The following SEMA7A variants were observed in gnomAD, a reference collection of about 807,000 sequenced individuals.
The protein encoded by SEMA7A is semaphorin 7A (JohnMiltonHagen blood group), also known as semaphorin-7A.
A neutral mutation model predicts 67.5 loss-of-function variants in SEMA7A; 21 were observed. That is an observed-to-expected ratio of 0.31 (90% confidence interval 0.22 to 0.45). The LOEUF (loss-of-function observed/expected upper bound fraction) is 0.45, where lower values mean the gene tolerates loss of function less well. SEMA7A is among the 20% of genes least tolerant of loss of function. The pLI is 1.00. For missense variants in SEMA7A, 774 were observed against 908.6 expected (o/e 0.85, Z 1.90); for synonymous variants, 364 against 368.5 (o/e 0.99, Z 0.14).
At chr15:74,428,688 C>T (rs187278776) in intron 1 of SEMA7A, among the ~76,000 whole-genome samples, 57 of 152,276 alleles carry the variant, frequency 3.7e-4, no homozygotes, top group Admixed American at 3.7e-3. Context: ...GGCCAGGCCA[C>T]CATGCAGGGC....
At chr15:74,433,482 T>A (rs1437655) in intron 1 of SEMA7A, 1 of 1,050,498 alleles carries the variant, frequency 9.5e-7, no homozygotes, top group Non-Finnish European at 1.2e-6. Flanking sequence ...GGCTCCTGGC[T>A]GCCAGGGACT....
chr15:74,416,391 C>A (rs1463365880), intron 7 of SEMA7A, among the ~76,000 whole-genome samples, 184 bp downstream of exon 7: 3 of 152,094 alleles, frequency 2.0e-5, no homozygotes, highest in Non-Finnish European at 4.4e-5. Context: ...AGGAGCTCAG[C>A]CACCTTTACC....
Position 74,417,834 on chromosome 15 carries a change from TAGA to T in SEMA7A, c.465+40_465+42del. On this transcript the variant is annotated intron_variant, in intron 4 of 13. Coordinates refer to ENST00000261918, the MANE Select transcript of SEMA7A (RefSeq NM_003612.5). ...CCATGAGGGGCAGAAGCCCACGCAG[TAGA>T]AGGTGAGCTGATCAGGCACATGGGG... 1.1e-5 allele frequency: 18 copies of T among 1,602,254 alleles called. No homozygotes were observed. In the Middle Eastern group the frequency reaches 2.8e-3, roughly 251 times the overall value.
At chr15:74,417,479 C>T (rs1227115655) in intron 5 of SEMA7A, 34 bp from the exon 6 acceptor site, 1 of 1,597,214 alleles carries the variant, frequency 6.3e-7, no homozygotes. Flanking sequence ...TGAGTAAGGG[C>T]AGGCAGCTCC....
chr15:74,430,727 TCA>T (rs2061081525), intron 1 of SEMA7A, among the ~76,000 whole-genome samples: 2 of 152,160 alleles, frequency 1.3e-5, no homozygotes, highest in African/African-American at 4.8e-5. Context: ...TGGAGGGAGT[TCA>T]CCTTGAAGGT....
Position 74,417,388 on chromosome 15 carries a change from A to G in SEMA7A, c.608T>C (p.Phe203Ser). ...CTCACTCTCGCCCCGGATGCGGCGG[A>G]ACCGAGGGATCTTCCCATTGTATTC... Reference protein sequence around the residue: ...KQEYNGKIPRFRRIRGESELY... With the variant: ...KQEYNGKIPRSRRIRGESELY... Residue 203 changes from phenylalanine to serine, a missense_variant, in exon 6 of 14, where the codon TTC becomes TCC. Coordinates refer to ENST00000261918, the MANE Select transcript of SEMA7A (RefSeq NM_003612.5). 1 of 1,614,008 alleles carries G rather than the reference A, an allele frequency of 6.2e-7. No individual in the cohort carries two copies. Among genetic ancestry groups the G allele is most frequent in the Non-Finnish European group, 8.5e-7 (1 of 1,180,012 alleles).
intron 10 of SEMA7A, 54 bp from the exon 11 acceptor site, chr15:74,412,066 C>A: frequency 6.2e-7 from 1 of 1,606,740 alleles, no homozygotes; most frequent in Non-Finnish European, 8.5e-7. Flanking sequence ...AGGGGCCAGG[C>A]AGCTTTCCTC....
At chr15:74,426,862 G>A (rs1437389983) in intron 1 of SEMA7A, among the ~76,000 whole-genome samples, 1 of 152,124 alleles carries the variant, frequency 6.6e-6, no homozygotes, top group African/African-American at 2.4e-5. Flanking sequence ...GCCAGCCCTG[G>A]CGAAAACACT....
intron 4 of SEMA7A, 96 bp from the exon 5 acceptor site, chr15:74,417,771 G>A: frequency 6.5e-7 from 1 of 1,546,462 alleles, no homozygotes; most frequent in Non-Finnish European, 8.9e-7. Context: ...ATCCTCCCAG[G>A]GCAAGGCCAG....
At chr15:74,424,679 C>T (rs970077117) in intron 1 of SEMA7A, among the ~76,000 whole-genome samples, 1 of 152,152 alleles carries the variant, frequency 6.6e-6, no homozygotes. Flanking sequence ...AAGCAAGCCC[C>T]TTGGTGAGAG....
At chr15:74,430,473 G>C (rs2061079117) in intron 1 of SEMA7A, among the ~76,000 whole-genome samples, 1 of 152,186 alleles carries the variant, frequency 6.6e-6, no homozygotes, top group African/African-American at 2.4e-5. Context: ...CCCAGTCACA[G>C]AGCAAATTAG....
rs143841629 is a variant in SEMA7A, at chr15:74,410,761, G to A, written c.1864C>T (p.Arg622Cys). 875 of 1,614,146 alleles carry A rather than the reference G, an allele frequency of 5.4e-4. 1 individual carries two copies. Among genetic ancestry groups the A allele is most frequent in the Non-Finnish European group, 5.2e-4 (610 of 1,180,040 alleles). Residue 622 changes from arginine to cysteine, a missense_variant, in exon 14 of 14, where the codon CGC becomes TGC. Physicochemically the swap from Arg to Cys is radical, Grantham distance 180 (BLOSUM62 -3). Coordinates refer to ENST00000261918, the MANE Select transcript of SEMA7A (RefSeq NM_003612.5). This position sits in a 1 kb window ranked among gnomAD's most constrained non-coding sequence, Gnocchi z 7.5. ...AGCAGCTGCCAGTGCTGAGCCTCGC[G>A]GAAGTAGGAGCCCTCCTGGGCCTCG... ...FCEAQEGSYF[R>C]EAQHWQLLPE...
At chr15:74,433,628 A>G in intron 1 of SEMA7A, 113 bp downstream of exon 1, 1 of 1,283,370 alleles carries the variant, frequency 7.8e-7, no homozygotes, top group African/African-American at 1.6e-5. Flanking sequence ...GCGCGGGGAC[A>G]GCCCGGGACC....
At chr15:74,420,145 C>T (rs1039933786) in intron 1 of SEMA7A, among the ~76,000 whole-genome samples, 2 of 152,322 alleles carry the variant, frequency 1.3e-5, no homozygotes, top group South Asian at 4.1e-4. Context: ...TCAACTCTGC[C>T]CCCGATCCCT....
chr15:74,429,278 GCCCCCTGAGGGCTGCCAGACCTGC>G lies in SEMA7A; in HGVS notation c.178+4439_178+4462del, dbSNP rs574085444. On this transcript the variant is annotated intron_variant, in intron 1 of 13. Transcript: ENST00000261918. ...TAGTGGCCCATCTACTCCAGCTACTGCCCCCTGAGGGCTGCCAGACCTGCCCCCTGGGCTGAGCTTCACATCCCA... is the reference window on the plus strand; with the variant it reads ...TAGTGGCCCATCTACTCCAGCTACTGCCCCTGGGCTGAGCTTCACATCCCA... 2.5e-3 allele frequency among the ~76,000 whole-genome samples: 379 copies of G among 152,262 alleles called. 3 individuals are homozygous for G. The highest frequency in any genetic ancestry group is 3.4e-3 in the Non-Finnish European group (233 of 68,002).
intron 1 of SEMA7A, among the ~76,000 whole-genome samples, chr15:74,427,514 A>G (rs1386294879): frequency 6.6e-6 from 1 of 152,094 alleles, no homozygotes; most frequent in African/African-American, 2.4e-5. Context: ...TATTTTTAGT[A>G]AAGACGGGGT....
Position 74,423,399 on chromosome 15 carries a change from C to G in SEMA7A, c.179-4447G>C, listed in dbSNP as rs928675265. Among the ~76,000 whole-genome samples the G allele has an allele frequency of 4.6e-5, 7 of 152,174 alleles. No individual in the cohort carries two copies. Among genetic ancestry groups the G allele is most frequent in the African/African-American group, 1.7e-4 (7 of 41,424 alleles). ...TAAACAGTCATTGAACTGAAGGACA[C>G]AGAGGCCAGAGAGGCTGTACCACCG... On this transcript the variant is annotated intron_variant, in intron 1 of 13. Coordinates refer to ENST00000261918, the MANE Select transcript of SEMA7A (RefSeq NM_003612.5). The surrounding 1 kb of genome is among the most constrained non-coding windows in gnomAD (Gnocchi z 4.1).
rs114199935 is a variant in SEMA7A, at chr15:74,428,311, C to A, written c.178+5430G>T. On this transcript the variant is annotated intron_variant, in intron 1 of 13. Coordinates refer to ENST00000261918, the MANE Select transcript of SEMA7A (RefSeq NM_003612.5). ...CCCAGCCTGGGACAGAGTATGATGG[C>A]AGACAGAAAGCTGGAAACAGGCTGA... Among the ~76,000 whole-genome samples the A allele has an allele frequency of 3.2e-3, 490 of 152,286 alleles. 1 individual carries two copies. Among genetic ancestry groups the A allele is most frequent in the African/African-American group, 0.011 (462 of 41,544 alleles).
In SEMA7A at chr15:74,418,292, T is replaced by G; in HGVS notation, c.348A>C (p.Thr116=). The G allele has an allele frequency of 6.2e-7, 1 of 1,611,626 alleles. No individual in the cohort carries two copies. Among genetic ancestry groups the G allele is most frequent in the Non-Finnish European group, 8.5e-7 (1 of 1,179,292 alleles). ...CCCGCTTATCCAGACAGGACCCCTT[T>G]GTGGAGCCGATATTCACCTGGGGGA... ...ASVRTVNIGS[T]KGSCLDKRDC... Residue 116 remains threonine (T), a synonymous_variant, in exon 3 of 14, where the codon ACA becomes ACC. Transcript: ENST00000261918.
Sources: gnomAD v4.1 joint callset for allele counts (sites outside exome capture counted in the v4.1 genomes callset) on GRCh38, gnomAD v4.1.1 for gene constraint, Gnocchi (gnomAD v3.1) non-coding constraint, MANE v1.5 for transcripts, NCBI Gene and HGNC (gene_info 2026-07-23, HGNC 2026-07-21) for gene names.